Variants in FBN1 observed in about 807,000 individuals in gnomAD.
FBN1 encodes fibrillin-1.
Under a neutral mutation model 365.1 loss-of-function variants are expected in FBN1, and 29 were observed. That is an observed-to-expected ratio of 0.08 (90% confidence interval 0.06 to 0.11). The LOEUF (loss-of-function observed/expected upper bound fraction) is 0.11, where lower values mean the gene tolerates loss of function less well. FBN1 is among the 10% of genes least tolerant of loss of function. FBN1 has a pLI of 1.00. For synonymous variants in FBN1, 1,210 were observed against 1,270.5 expected, an observed-to-expected ratio of 0.95 and a Z score of 1.01; for missense variants, 2,476 against 3,703.2, an observed-to-expected ratio of 0.67 and a Z score of 8.60.
chr15:48,501,714 T>C (rs2043659683), intron 17 of FBN1, among the ~76,000 whole-genome samples: 1 of 152,184 alleles, frequency 6.6e-6, no homozygotes, highest in Non-Finnish European at 1.5e-5. Context: ...CTTCCAATCA[T>C]TCAACATGTG....
intron 6 of FBN1, among the ~76,000 whole-genome samples, chr15:48,585,122 G>A (rs1324305321): frequency 6.6e-6 from 1 of 152,114 alleles, no homozygotes; most frequent in Non-Finnish European, 1.5e-5. Flanking sequence ...TTTCAATTTG[G>A]ATAAAAGTTG....
chr15:48,447,028 C>T (rs2043165550), intron 46 of FBN1, among the ~76,000 whole-genome samples: 1 of 152,120 alleles, frequency 6.6e-6, no homozygotes, highest in African/African-American at 2.4e-5. Context: ...TAAATGGTTT[C>T]CTTGGCTGGC....
chr15:48,552,763 AT>A (rs899459603), intron 6 of FBN1, among the ~76,000 whole-genome samples: 65 of 152,342 alleles, frequency 4.3e-4, no homozygotes, highest in African/African-American at 1.6e-3. Context: ...ATATGAGTGA[AT>A]AATCCAAGCA....
intron 30 of FBN1, among the ~76,000 whole-genome samples, chr15:48,484,234 T>A (rs563411318): frequency 6.6e-6 from 1 of 152,334 alleles, no homozygotes; most frequent in South Asian, 2.1e-4. Flanking sequence ...ATTCAAAAAT[T>A]ATTATAAATC....
At chr15:48,576,141 ACT>A (rs1425257787) in intron 6 of FBN1, among the ~76,000 whole-genome samples, 1 of 151,678 alleles carries the variant, frequency 6.6e-6, no homozygotes. Context: ...TTTTGAAATG[ACT>A]CTCCATTTAA....
rs537924722 is a variant in FBN1 at position 48,523,710 on chromosome 15, T to TGGG, written c.988+2417_988+2419dup. The stretch of plus-strand genomic sequence containing the variant: ...GCAGCAGTGCCACACCAAGGGTGGC[T>TGGG]GGGGGGGGGGGGGAACCGTTGTGGT... On this transcript the variant is annotated intron_variant, in intron 9 of 65. Coordinates refer to ENST00000316623, the MANE Select transcript of FBN1 (RefSeq NM_000138.5). Among the ~76,000 whole-genome samples the TGGG allele has an allele frequency of 4.5e-4, 37 of 81,664 alleles. 1 individual carries two copies. The highest frequency in any genetic ancestry group is 2.1e-3 in the African/African-American group (35 of 16,384). The allele number at this position is 81,664 out of a possible 152,430, so 53.6% of individuals were successfully genotyped here. A position where few individuals can be genotyped will look rare whatever the true frequency, so the allele number is the denominator to read the frequency against.
intron 6 of FBN1, among the ~76,000 whole-genome samples, chr15:48,582,922 G>T (rs987232294): frequency 2.0e-5 from 3 of 152,162 alleles, no homozygotes; most frequent in Admixed American, 2.0e-4. Context: ...AACAAAGTTG[G>T]TATTCCAGAG....
intron 6 of FBN1, among the ~76,000 whole-genome samples, chr15:48,549,822 G>C (rs1372064612): frequency 6.7e-6 from 1 of 149,744 alleles, no homozygotes; most frequent in Non-Finnish European, 1.5e-5. Flanking sequence ...CTCCTAGTTA[G>C]TGACACAAGC....
Position 48,468,424 on chromosome 15 carries a change from C to T in FBN1, c.4570G>A (p.Val1524Ile), listed in dbSNP as rs2043340600. The T allele has an allele frequency of 1.2e-6, 2 of 1,614,166 alleles. No homozygotes were observed. Among genetic ancestry groups the T allele is most frequent in the Non-Finnish European group, 1.7e-6 (2 of 1,180,030 alleles). ...PPDFELNPTR[V>I]GCVDTRSGNC... is the part of the protein sequence containing the mutation. ...TTTAAGGTCTTACCAACACAGCCAACTCGAGTTGGGTTCAGTTCAAAATCA... is the reference window on the plus strand; with the variant it reads ...TTTAAGGTCTTACCAACACAGCCAATTCGAGTTGGGTTCAGTTCAAAATCA... The change falls in exon 37 of 66, where the codon GTT becomes ATT. Residue 1524 changes from valine (V) to isoleucine (I), a missense_variant. Transcript: ENST00000316623.
intron 56 of FBN1, among the ~76,000 whole-genome samples, chr15:48,428,936 C>G (rs1278220682): frequency 6.6e-6 from 1 of 152,202 alleles, no homozygotes; most frequent in Non-Finnish European, 1.5e-5. Flanking sequence ...TCCTGAAAAG[C>G]AACCAATTCT....
chr15:48,464,965 A>G (rs1444414010), intron 40 of FBN1, among the ~76,000 whole-genome samples: 1 of 152,238 alleles, frequency 6.6e-6, no homozygotes, highest in Non-Finnish European at 1.5e-5. Context: ...AATATTTCTT[A>G]TGCAGAGCAC....
chr15:48,563,876 T>G (rs926694682), intron 6 of FBN1, among the ~76,000 whole-genome samples: 3 of 152,214 alleles, frequency 2.0e-5, no homozygotes, highest in Admixed American at 2.0e-4. Flanking sequence ...GCAGATTTTT[T>G]GTGATACATT....
intron 2 of FBN1, among the ~76,000 whole-genome samples, chr15:48,629,783 A>C (rs1355490053): frequency 3.9e-5 from 6 of 152,240 alleles, no homozygotes; most frequent in Non-Finnish European, 8.8e-5. Context: ...ATTCTTTTTA[A>C]AAAACACAAA....
intron 4 of FBN1, among the ~76,000 whole-genome samples, chr15:48,603,889 T>A (rs10519187): frequency 0.12 from 17,796 of 152,208 alleles, 1,226 homozygotes; most frequent in Non-Finnish European, 0.15. Context: ...GGGTTTCATG[T>A]AAGGCTCAAT....
chr15:48,555,320 G>A (rs1045661131), intron 6 of FBN1, among the ~76,000 whole-genome samples: 6 of 152,184 alleles, frequency 3.9e-5, no homozygotes, highest in Admixed American at 6.5e-5. Context: ...ATTCACCTCC[G>A]CAGAGTCACC....
At chr15:48,543,929 AAAT>A (rs1189507960) in intron 6 of FBN1, among the ~76,000 whole-genome samples, 1 of 151,878 alleles carries the variant, frequency 6.6e-6, no homozygotes, top group Non-Finnish European at 1.5e-5. Context: ...CAATGTAAAT[AAAT>A]AATAAATACA....
intron 49 of FBN1, 30 bp from the exon 50 acceptor site, chr15:48,441,876 C>T: frequency 6.2e-7 from 1 of 1,611,374 alleles, no homozygotes; most frequent in South Asian, 1.1e-5. Context: ...CAAACAAAGT[C>T]AAAACACGAT....
intron 3 of FBN1, among the ~76,000 whole-genome samples, chr15:48,611,535 C>A (rs2044655970): frequency 6.6e-6 from 1 of 152,186 alleles, no homozygotes; most frequent in Non-Finnish European, 1.5e-5. Flanking sequence ...GCTGGGATTA[C>A]AGGCGTAAAC....
At chr15:48,507,848 T>C (rs62011399) in intron 15 of FBN1, among the ~76,000 whole-genome samples, 45 of 152,126 alleles carry the variant, frequency 3.0e-4, no homozygotes, top group Non-Finnish European at 5.4e-4. Context: ...CTGGACCAAG[T>C]GCAGTAATCA....
Sources: allele counts gnomAD v4.1 joint callset (sites outside exome capture counted in the v4.1 genomes callset), GRCh38; gene constraint gnomAD v4.1.1; transcripts MANE v1.5; gene names NCBI Gene and HGNC (gene_info 2026-07-23, HGNC 2026-07-21).